Variants in DOK5 observed in about 807,000 individuals in gnomAD.
DOK5 encodes the protein docking protein 5, also known as downstream of tyrosine kinase 5.
DOK5 carries 27 observed loss-of-function variants against 43.3 expected under a neutral mutation model. The ratio of observed to expected loss-of-function variants is 0.62; its 90% CI spans 0.46 to 0.86. DOK5 has a LOEUF of 0.86. Among genes scored for constraint, DOK5 ranks in the 40% least tolerant of loss-of-function variants. The pLI, the probability that DOK5 is intolerant of heterozygous loss-of-function variation, is 0.00. For missense variants in DOK5, 373 were observed against 392.9 expected, an observed-to-expected ratio of 0.95 and a Z score of 0.43; for synonymous variants, 146 against 140.1, an observed-to-expected ratio of 1.04 and a Z score of -0.30.
chr20:54,495,502 A>G (rs1000950222), intron 1 of DOK5, among the ~76,000 whole-genome samples: 7 of 152,166 alleles, frequency 4.6e-5, no homozygotes, highest in Non-Finnish European at 8.8e-5. Context: ...TGTCAATTTC[A>G]TTGGGCAGCT....
At chr20:54,600,824 C>T (rs938961538) in intron 5 of DOK5, among the ~76,000 whole-genome samples, 8 of 152,166 alleles carry the variant, frequency 5.3e-5, no homozygotes, top group African/African-American at 1.9e-4. Context: ...CAAACATTAC[C>T]TTGCAGGAGA....
chr20:54,632,801 G>C (rs1335437902), intron 6 of DOK5, among the ~76,000 whole-genome samples: 1 of 152,184 alleles, frequency 6.6e-6, no homozygotes. Flanking sequence ...TCCTGGCCGG[G>C]AGCAGTGGCT....
intron 1 of DOK5, among the ~76,000 whole-genome samples, chr20:54,502,618 A>G (rs1232236915): frequency 1.3e-5 from 2 of 152,234 alleles, no homozygotes; most frequent in African/African-American, 2.4e-5. Context: ...ATACATATAT[A>G]GGTATATTTG....
intron 1 of DOK5, among the ~76,000 whole-genome samples, chr20:54,543,049 A>G (rs536021385): frequency 6.6e-6 from 1 of 152,302 alleles, no homozygotes; most frequent in South Asian, 2.1e-4. Context: ...AGAGAAATAT[A>G]AATATTCCTG....
intron 7 of DOK5, among the ~76,000 whole-genome samples, chr20:54,646,754 A>T (rs372776549): frequency 2.6e-5 from 4 of 152,212 alleles, no homozygotes; most frequent in African/African-American, 9.6e-5. Flanking sequence ...AGGAAATAGG[A>T]TTGGGAAAAG....
chr20:54,646,251 T>TTTTG (rs1475399189), intron 7 of DOK5, among the ~76,000 whole-genome samples: 2 of 70,944 alleles, frequency 2.8e-5, no homozygotes, highest in African/African-American at 2.5e-4. Flanking sequence ...TTATACTGTT[T>TTTTG]TTTTTTTTTT....
chr20:54,485,240 G>A (rs140428715), intron 1 of DOK5, among the ~76,000 whole-genome samples: 1 of 151,980 alleles, frequency 6.6e-6, no homozygotes, highest in Non-Finnish European at 1.5e-5. Flanking sequence ...ACTTGAACCC[G>A]GATGGCGGAG....
At chr20:54,526,262 T>G (rs1258091987) in intron 1 of DOK5, among the ~76,000 whole-genome samples, 1 of 152,152 alleles carries the variant, frequency 6.6e-6, no homozygotes, top group Non-Finnish European at 1.5e-5. Context: ...AGACAGGCTG[T>G]TTAAAGAGCA....
At chr20:54,538,985 T>C (rs1283834623) in intron 1 of DOK5, among the ~76,000 whole-genome samples, 2 of 151,998 alleles carry the variant, frequency 1.3e-5, no homozygotes, top group Admixed American at 1.3e-4. Context: ...GCCAAAATTA[T>C]ATCAAAGGAG....
Position 54,628,432 on chromosome 20 carries a change from A to G in DOK5, c.736-15026A>G, listed in dbSNP as rs867880145. Among the ~76,000 whole-genome samples the G allele has an allele frequency of 2.4e-3, 348 of 145,454 alleles. 1 individual carries two copies. Among genetic ancestry groups the G allele is most frequent in the African/African-American group, 8.4e-3 (329 of 38,962 alleles). The stretch of plus-strand genomic sequence containing the variant: ...TCAAAAAAAAAAAAAAAAAAAAAAA[A>G]AAAAAAAAAAAAAGAATTCATTCTT... On this transcript the variant is annotated intron_variant, in intron 6 of 7. Coordinates refer to ENST00000262593, the MANE Select transcript of DOK5 (RefSeq NM_018431.5).
intron 7 of DOK5, among the ~76,000 whole-genome samples, chr20:54,649,598 A>C (rs564846040): frequency 1.3e-5 from 2 of 152,242 alleles, no homozygotes; most frequent in Admixed American, 1.3e-4. Flanking sequence ...CTAGCCGTGT[A>C]CATTTCTTTG....
chr20:54,524,211 C>T (rs1483713226), intron 1 of DOK5, among the ~76,000 whole-genome samples: 1 of 152,064 alleles, frequency 6.6e-6, no homozygotes, highest in African/African-American at 2.4e-5. Flanking sequence ...ATTGGAGAAA[C>T]AGAAGGGTGT....
At chr20:54,635,662 A>G (rs1361603159) in intron 6 of DOK5, among the ~76,000 whole-genome samples, 2 of 152,188 alleles carry the variant, frequency 1.3e-5, no homozygotes, top group Non-Finnish European at 2.9e-5. Context: ...TCTCCCTAAA[A>G]CATATAAAAC....
At chr20:54,522,704 A>G (rs2426526) in intron 1 of DOK5, among the ~76,000 whole-genome samples, 51,740 of 151,474 alleles carry the variant, frequency 0.34, 15,978 homozygotes, top group African/African-American at 0.83. Flanking sequence ...TAGTAGAGAC[A>G]GGGTTTCACC....
At chr20:54,611,643 T>C (rs756761301) in intron 6 of DOK5, among the ~76,000 whole-genome samples, 2 of 152,308 alleles carry the variant, frequency 1.3e-5, no homozygotes, top group Non-Finnish European at 2.9e-5. Flanking sequence ...AAATCATAAA[T>C]GAATGCACAA....
rs1219612505 is a variant in DOK5, at chr20:54,566,020, A to C, written c.174+10980A>C. On this transcript the variant is annotated intron_variant, in intron 2 of 7. Coordinates refer to ENST00000262593, the MANE Select transcript of DOK5 (RefSeq NM_018431.5). ...TGACAGAGCGAGATTCCGTCTCAAA[A>C]AAAAAAAAAAAACCCTGAACATTTC... 7.2e-5 allele frequency among the ~76,000 whole-genome samples: 11 copies of C among 151,766 alleles called. No individual in the cohort carries two copies. In the South Asian group the frequency reaches 1.0e-3, roughly 14 times the overall value.
chr20:54,544,309 A>G (rs904346456), intron 1 of DOK5, among the ~76,000 whole-genome samples: 8 of 152,180 alleles, frequency 5.3e-5, no homozygotes, highest in African/African-American at 1.4e-4. Context: ...CATAAAATAC[A>G]TGATTCTGAC....
chr20:54,555,681 A>G (rs950728711), intron 2 of DOK5: 3 of 152,200 alleles, frequency 2.0e-5, no homozygotes, highest in Non-Finnish European at 4.4e-5. Context: ...TTTTTCATGA[A>G]AACGTGTGAA....
At chr20:54,586,430 A>T (rs1985804607) in intron 2 of DOK5, among the ~76,000 whole-genome samples, 1 of 152,180 alleles carries the variant, frequency 6.6e-6, no homozygotes, top group Non-Finnish European at 1.5e-5. Context: ...GAAGCACCAT[A>T]CAAGTAAATT....
Sources: gnomAD v4.1 joint callset for allele counts (sites outside exome capture counted in the v4.1 genomes callset) on GRCh38, gnomAD v4.1.1 for gene constraint, MANE v1.5 for transcripts, NCBI Gene and HGNC (gene_info 2026-07-23, HGNC 2026-07-21) for gene names.